Variants in CTDSPL2 observed in about 807,000 individuals in gnomAD.
The protein encoded by CTDSPL2 is CTD small phosphatase like 2.
Under a neutral mutation model 60.0 loss-of-function variants are expected in CTDSPL2, and 5 were observed. That is an observed-to-expected ratio of 0.08 (90% CI 0.04 to 0.18). The LOEUF is 0.18. Among genes scored for constraint, CTDSPL2 ranks in the 10% least tolerant of loss-of-function variants. The probability of loss-of-function intolerance (pLI) is 1.00; values close to 1 mark genes in which losing one functional copy is unlikely to be tolerated. For synonymous variants in CTDSPL2, 186 were observed against 189.3 expected, an observed-to-expected ratio of 0.98 and a Z score of 0.14; for missense variants, 370 against 548.8, an observed-to-expected ratio of 0.67 and a Z score of 3.26.
At chr15:44,477,606 G>A (rs1442087429) in intron 2 of CTDSPL2, among the ~76,000 whole-genome samples, 2 of 152,062 alleles carry the variant, frequency 1.3e-5, no homozygotes, top group Admixed American at 6.5e-5. Context: ...GGAGGCCAAG[G>A]TGGGCAGATC....
intron 8 of CTDSPL2, among the ~76,000 whole-genome samples, chr15:44,511,867 CAAAAAAAAAAAAAA>C (rs68063380): frequency 9.8e-5 from 3 of 30,612 alleles, no homozygotes; most frequent in African/African-American, 1.6e-4. Context: ...GACGGTCTCG[CAAAAAAAAAAAAAA>C]AAAAAAAAAA....
chr15:44,505,544 A>C (rs188209801), intron 8 of CTDSPL2, among the ~76,000 whole-genome samples: 3 of 152,046 alleles, frequency 2.0e-5, no homozygotes, highest in Non-Finnish European at 4.4e-5. Context: ...AGACCAGCCT[A>C]AACAACATGG....
intron 2 of CTDSPL2, among the ~76,000 whole-genome samples, chr15:44,460,599 T>C (rs928589131): frequency 1.3e-5 from 2 of 152,144 alleles, no homozygotes; most frequent in African/African-American, 4.8e-5. Flanking sequence ...AGGGATAGAT[T>C]TTGTTGTAAT....
At chr15:44,462,700 CT>C (rs554319789) in intron 2 of CTDSPL2, among the ~76,000 whole-genome samples, 3,206 of 83,732 alleles carry the variant, frequency 0.038, 39 homozygotes, top group African/African-American at 0.1. Flanking sequence ...ACACTCAGGA[CT>C]TTTTTTTTTT....
chr15:44,443,411 A>G (rs1243048217), intron 1 of CTDSPL2, among the ~76,000 whole-genome samples: 2 of 152,184 alleles, frequency 1.3e-5, no homozygotes, highest in African/African-American at 4.8e-5. Context: ...TTTTGGATGC[A>G]TACCTGGAAG....
intron 2 of CTDSPL2, among the ~76,000 whole-genome samples, chr15:44,466,484 T>C (rs1266981291): frequency 6.6e-6 from 1 of 152,224 alleles, no homozygotes; most frequent in African/African-American, 2.4e-5. Flanking sequence ...AGCATGTATT[T>C]ATATTTAGTC....
intron 2 of CTDSPL2, among the ~76,000 whole-genome samples, chr15:44,464,429 A>G (rs780870835): frequency 6.6e-6 from 1 of 152,180 alleles, no homozygotes; most frequent in Admixed American, 6.5e-5. Flanking sequence ...TGCATCTCCA[A>G]TAAGTGGTGC....
chr15:44,496,166 A>T (rs577747493), intron 5 of CTDSPL2, among the ~76,000 whole-genome samples: 19 of 152,260 alleles, frequency 1.2e-4, no homozygotes, highest in African/African-American at 4.6e-4. Context: ...TCTAGCCATG[A>T]TCTGGTTTGC....
rs1309692336 is a variant in CTDSPL2, at chr15:44,459,177, T to C, written c.163T>C (p.Phe55Leu). Residue 55 changes from phenylalanine to leucine, a missense_variant, in exon 2 of 13, where the codon TTT becomes CTT. Physicochemically the swap from Phe to Leu is conservative, Grantham distance 22. Around this residue, in one of 6 missense-constraint regions of CTDSPL2, gnomAD observed 287 missense variants for 296.1 expected, o/e 0.97. Coordinates refer to ENST00000260327, the MANE Select transcript of CTDSPL2 (RefSeq NM_016396.3). ...ETGLLSSIKK[F>L]IKGSTPKEER... Reference sequence around the variant, plus strand: ...CGGCTTGTTGTCTTCAATTAAAAAATTTATTAAAGGAAGCACACCTAAGGT... The same window carrying C: ...CGGCTTGTTGTCTTCAATTAAAAAACTTATTAAAGGAAGCACACCTAAGGT... The C allele has an allele frequency of 6.2e-7, 1 of 1,606,234 alleles. No individual in the cohort carries two copies.
chr15:44,458,957 A>G, intron 1 of CTDSPL2, 34 bp from the exon 2 acceptor site: 1 of 1,336,884 alleles, frequency 7.5e-7, no homozygotes, highest in Non-Finnish European at 9.9e-7. Context: ...ATAACTTTTA[A>G]TTTTTTATTA....
In CTDSPL2 at chr15:44,521,293, A is replaced by G. The variant is rs1381404983; in HGVS notation, c.1240-18A>G. 8.6e-7 allele frequency: 1 copy of G among 1,168,768 alleles called. No homozygotes were observed. The highest frequency in any genetic ancestry group is 1.2e-6 in the Non-Finnish European group (1 of 802,448). The allele number at this position is 1,168,768 out of a possible 1,614,324, so 72.4% of individuals were successfully genotyped here. A position where few individuals can be genotyped will look rare whatever the true frequency, so the allele number is the denominator to read the frequency against. On this transcript the variant is annotated intron_variant, in intron 11 of 12. Coordinates refer to ENST00000260327, the MANE Select transcript of CTDSPL2 (RefSeq NM_016396.3). ...AATATAAGTAAAAGAGGATTTAATT[A>G]CTTATTTATTGTTTTAGCTTTCTAA...
At chr15:44,496,487 T>C (rs2140822392) in intron 6 of CTDSPL2, 29 bp downstream of exon 6, 1 of 1,547,970 alleles carries the variant, frequency 6.5e-7, no homozygotes, top group Non-Finnish European at 8.9e-7. Flanking sequence ...TTTTTTTCTT[T>C]CCTTTTTGGA....
chr15:44,508,866 T>C (rs767055900), intron 8 of CTDSPL2, among the ~76,000 whole-genome samples: 11 of 152,060 alleles, frequency 7.2e-5, no homozygotes, highest in Non-Finnish European at 1.5e-4. Context: ...TGTAGTGAGC[T>C]GAAATCGCAC....
chr15:44,505,488 C>A (rs913526773), intron 8 of CTDSPL2, among the ~76,000 whole-genome samples: 1 of 151,940 alleles, frequency 6.6e-6, no homozygotes, highest in Admixed American at 6.6e-5. Context: ...AATCCCAGCA[C>A]TTTGGGAGGC....
intron 2 of CTDSPL2, 44 bp downstream of exon 2, chr15:44,459,244 T>C: frequency 6.8e-7 from 1 of 1,468,094 alleles, no homozygotes; most frequent in Non-Finnish European, 9.2e-7. Context: ...AAAGTGAAAA[T>C]TGGCCGGGCA....
At chr15:44,496,512 C>CA in intron 6 of CTDSPL2, 54 bp downstream of exon 6, 1 of 1,322,862 alleles carries the variant, frequency 7.6e-7, no homozygotes, top group Non-Finnish European at 1.1e-6. Flanking sequence ...GATGAGAGTA[C>CA]GTTATATATG....
chr15:44,476,679 AC>A (rs1469181911), intron 2 of CTDSPL2, among the ~76,000 whole-genome samples: 1 of 152,210 alleles, frequency 6.6e-6, no homozygotes, highest in East Asian at 1.9e-4. Context: ...AGTTTGCCGA[AC>A]AGGTGGGTTG....
At chr15:44,509,472 G>T (rs959661095) in intron 8 of CTDSPL2, among the ~76,000 whole-genome samples, 2 of 152,150 alleles carry the variant, frequency 1.3e-5, no homozygotes, top group Non-Finnish European at 2.9e-5. Context: ...CTCTCAAAGT[G>T]CTGGGATTAC....
chr15:44,432,015 C>T (rs1485626985), intron 1 of CTDSPL2, among the ~76,000 whole-genome samples: 4 of 151,714 alleles, frequency 2.6e-5, no homozygotes, highest in Non-Finnish European at 5.9e-5. Flanking sequence ...TGAGCCACCG[C>T]GCCTGGCCAG....
Sources: allele counts gnomAD v4.1 joint callset (sites outside exome capture counted in the v4.1 genomes callset), GRCh38; gene constraint gnomAD v4.1.1; regional missense constraint gnomAD v4.1.1; transcripts MANE v1.5; gene names NCBI Gene and HGNC (gene_info 2026-07-23, HGNC 2026-07-21).